The following SUV39H2 variants were observed in gnomAD, a reference collection of about 807,000 sequenced individuals.
SUV39H2 encodes histone-lysine N-methyltransferase SUV39H2.
In SUV39H2, 10 loss-of-function variants were observed where a neutral mutation model predicts 47.5. The observed-to-expected ratio is 0.21, with a 90% CI of 0.13 to 0.36. The LOEUF (loss-of-function observed/expected upper bound fraction) is 0.36, where lower values mean the gene tolerates loss of function less well. SUV39H2 is among the 10% of genes least tolerant of loss of function. The probability of loss-of-function intolerance (pLI) is 1.00; values close to 1 mark genes in which losing one functional copy is unlikely to be tolerated. For missense variants in SUV39H2, 266 were observed against 487.4 expected (o/e 0.55, Z 4.28); for synonymous variants, 159 against 166.8 (o/e 0.95, Z 0.36).
chr10:14,889,234 A>C (rs1833310050), intron 2 of SUV39H2, among the ~76,000 whole-genome samples: 1 of 152,182 alleles, frequency 6.6e-6, no homozygotes, highest in South Asian at 2.1e-4. Context: ...ATTTTTTTCA[A>C]GTTTTTTTGA....
intron 1 of SUV39H2, among the ~76,000 whole-genome samples, chr10:14,881,165 A>T (rs1191151582): frequency 6.6e-6 from 1 of 152,240 alleles, no homozygotes; most frequent in African/African-American, 2.4e-5. Flanking sequence ...ATACAATGAA[A>T]GTGAAAAACA....
chr10:14,879,218 C>T, intron 1 of SUV39H2: 1 of 917,828 alleles, frequency 1.1e-6, no homozygotes, highest in Non-Finnish European at 1.4e-6. Flanking sequence ...CCCGTGGCGG[C>T]CTCGGGCTTC....
At chr10:14,881,440 CTTTT>C (rs1333239598) in intron 1 of SUV39H2, 56 bp from the exon 2 acceptor site, 1 of 1,301,990 alleles carries the variant, frequency 7.7e-7, no homozygotes, top group Non-Finnish European at 9.9e-7. Flanking sequence ...TTAAGTTTCT[CTTTT>C]TTGTTTTAAT....
chr10:14,888,827 G>A (rs982921298), intron 2 of SUV39H2, among the ~76,000 whole-genome samples: 6 of 152,068 alleles, frequency 3.9e-5, no homozygotes, highest in Non-Finnish European at 7.4e-5. Context: ...GAACCAGGCC[G>A]GGTGCAGTGG....
intron 2 of SUV39H2, among the ~76,000 whole-genome samples, chr10:14,893,255 G>C (rs1389376043): frequency 6.6e-6 from 1 of 151,594 alleles, no homozygotes; most frequent in Non-Finnish European, 1.5e-5. Flanking sequence ...CGCCCGCCTC[G>C]GCCTCCCAAA....
chr10:14,883,617 A>AT (rs1456634858), intron 2 of SUV39H2, among the ~76,000 whole-genome samples: 1 of 146,212 alleles, frequency 6.8e-6, no homozygotes, highest in Non-Finnish European at 1.5e-5. Flanking sequence ...AGGCAGGAGA[A>AT]TTGCTTGAAC....
intron 2 of SUV39H2, among the ~76,000 whole-genome samples, chr10:14,882,277 C>G (rs928603796): frequency 1.3e-5 from 2 of 152,238 alleles, no homozygotes; most frequent in Non-Finnish European, 2.9e-5. Flanking sequence ...ACCTCACTTT[C>G]CAAGAACTGT....
intron 4 of SUV39H2, 84 bp from the exon 5 acceptor site, chr10:14,901,049 T>A: frequency 6.6e-7 from 1 of 1,521,092 alleles, no homozygotes. Flanking sequence ...ACTAAATCTC[T>A]AGGAAAGTAA....
chr10:14,895,533 A>G (rs1383436347), intron 2 of SUV39H2, among the ~76,000 whole-genome samples: 1 of 152,190 alleles, frequency 6.6e-6, no homozygotes, highest in Non-Finnish European at 1.5e-5. Flanking sequence ...TAAGGGAGGA[A>G]AACATAGTCA....
intron 1 of SUV39H2, chr10:14,879,717 T>A (rs771967589): frequency 6.6e-6 from 1 of 152,142 alleles, no homozygotes; most frequent in Non-Finnish European, 1.5e-5. Flanking sequence ...CAAGCTCGTC[T>A]CCTCTCCGCT....
At chr10:14,885,490 T>C (rs1833179005) in intron 2 of SUV39H2, among the ~76,000 whole-genome samples, 1 of 152,240 alleles carries the variant, frequency 6.6e-6, no homozygotes, top group Non-Finnish European at 1.5e-5. Flanking sequence ...AATAGTTACT[T>C]ACGGGTCTGT....
At chr10:14,882,822 G>A (rs950932735) in intron 2 of SUV39H2, among the ~76,000 whole-genome samples, 1 of 150,174 alleles carries the variant, frequency 6.7e-6, no homozygotes, top group Non-Finnish European at 1.5e-5. Context: ...TTCCAGAGGT[G>A]TCACCATTTT....
chr10:14,889,511 G>A (rs1833319674), intron 2 of SUV39H2, among the ~76,000 whole-genome samples: 1 of 152,214 alleles, frequency 6.6e-6, no homozygotes, highest in Admixed American at 6.5e-5. Context: ...ATACTGAAGA[G>A]ACAAGAAGAA....
intron 1 of SUV39H2, among the ~76,000 whole-genome samples, chr10:14,879,563 G>C (rs1424404387): frequency 6.6e-6 from 1 of 152,168 alleles, no homozygotes; most frequent in Non-Finnish European, 1.5e-5. Flanking sequence ...GGAGCTTGGT[G>C]TTATTTCTGT....
In SUV39H2 at chr10:14,900,019, A is replaced by G. The variant is rs941827943; in HGVS notation, c.996+334A>G. ...AAGAGGTAAAATGTCCAAGAATTACACAGAACTGTATCTTAATGGAAGTTA... is the reference window on the plus strand; with the variant it reads ...AAGAGGTAAAATGTCCAAGAATTACGCAGAACTGTATCTTAATGGAAGTTA... On this transcript the variant is annotated intron_variant, in intron 4 of 5. Coordinates refer to ENST00000354919, the MANE Select transcript of SUV39H2 (RefSeq NM_001193424.2). 2.4e-4 allele frequency among the ~76,000 whole-genome samples: 36 copies of G among 152,360 alleles called. 1 individual carries two copies. Among genetic ancestry groups the G allele is most frequent in the Admixed American group, 1.2e-3 (19 of 15,308 alleles).
chr10:14,892,394 C>G (rs1331806917), intron 2 of SUV39H2, among the ~76,000 whole-genome samples: 2 of 152,184 alleles, frequency 1.3e-5, no homozygotes, highest in Non-Finnish European at 2.9e-5. Context: ...TCTTGCCTTA[C>G]CATGACAAGT....
intron 2 of SUV39H2, among the ~76,000 whole-genome samples, chr10:14,890,066 C>T (rs578252670): frequency 2.0e-5 from 3 of 152,162 alleles, no homozygotes; most frequent in African/African-American, 7.2e-5. Flanking sequence ...CGAGAACCAC[C>T]TCTATATGGC....
At chr10:14,895,460 C>G (rs1833542789) in intron 2 of SUV39H2, among the ~76,000 whole-genome samples, 2 of 151,988 alleles carry the variant, frequency 1.3e-5, no homozygotes, top group South Asian at 4.1e-4. Flanking sequence ...ACAGGCGTGA[C>G]CCACCGCACC....
chr10:14,900,837 GA>G (rs1049786689), intron 4 of SUV39H2, among the ~76,000 whole-genome samples: 20 of 148,510 alleles, frequency 1.3e-4, no homozygotes, highest in South Asian at 6.3e-4. Context: ...AATTCTCCAG[GA>G]AAAAAAAAAG....
Sources: gnomAD v4.1 joint callset for allele counts (sites outside exome capture counted in the v4.1 genomes callset) on GRCh38, gnomAD v4.1.1 for gene constraint, MANE v1.5 for transcripts, NCBI Gene and HGNC (gene_info 2026-07-23, HGNC 2026-07-21) for gene names.